Variants in ACYP2 observed in about 807,000 individuals in gnomAD.
ACYP2 encodes the protein acylphosphatase 2.
A neutral mutation model predicts 11.2 loss-of-function variants in ACYP2; 12 were observed. The ratio of observed to expected loss-of-function variants is 1.08; its 90% CI spans 0.69 to 1.74. The LOEUF (loss-of-function observed/expected upper bound fraction) is 1.74. Among genes scored for constraint, ACYP2 ranks in the 40% most tolerant of loss-of-function variants. The pLI, the probability that ACYP2 is intolerant of heterozygous loss-of-function variation, is 0.00. For synonymous variants in ACYP2, 43 were observed against 32.2 expected, an observed-to-expected ratio of 1.33 and a Z score of -1.13; for missense variants, 134 against 101.9, an observed-to-expected ratio of 1.31 and a Z score of -1.35.
chr2:53,981,761 G>A (rs1671774389), intron 2 of ACYP2, among the ~76,000 whole-genome samples: 1 of 152,052 alleles, frequency 6.6e-6, no homozygotes. Context: ...GAAACAATAG[G>A]CTACACCATA....
intron 6 of ACYP2, among the ~76,000 whole-genome samples, chr2:54,252,167 T>G (rs534398300): frequency 6.6e-6 from 1 of 152,354 alleles, no homozygotes; most frequent in African/African-American, 2.4e-5. Flanking sequence ...AAAAGAATTA[T>G]ATAGCATGTA....
At chr2:54,120,488 T>A (rs7586074) in intron 4 of ACYP2, among the ~76,000 whole-genome samples, 2,559 of 152,358 alleles carry the variant, frequency 0.017, 76 homozygotes, top group African/African-American at 0.059. Context: ...GCATTGTGAC[T>A]ATCTGTTGGT....
chr2:54,186,183 A>G (rs866308755), intron 6 of ACYP2, among the ~76,000 whole-genome samples: 26 of 152,128 alleles, frequency 1.7e-4, no homozygotes, highest in African/African-American at 6.0e-4. Context: ...TGAATGACTA[A>G]ATGTCATTGA....
chr2:54,199,311 C>A (rs1397120523), intron 6 of ACYP2, among the ~76,000 whole-genome samples: 5 of 152,210 alleles, frequency 3.3e-5, no homozygotes, highest in African/African-American at 1.2e-4. Flanking sequence ...TGAGGAACCA[C>A]AGACACACAT....
At chr2:54,197,792 CTG>C (rs1305038679) in intron 6 of ACYP2, among the ~76,000 whole-genome samples, 8 of 152,122 alleles carry the variant, frequency 5.3e-5, no homozygotes, top group Non-Finnish European at 1.0e-4. Context: ...GGTCAAAAGA[CTG>C]GGGAGGGACA....
intron 2 of ACYP2, among the ~76,000 whole-genome samples, chr2:54,013,404 G>T (rs1016647584): frequency 6.6e-6 from 1 of 151,264 alleles, no homozygotes; most frequent in South Asian, 2.1e-4. Flanking sequence ...AGGTCCAACC[G>T]ATTCTTCTGC....
chr2:54,255,573 G>A (rs1435490176), intron 6 of ACYP2: 2 of 1,569,146 alleles, frequency 1.3e-6, no homozygotes, highest in African/African-American at 1.7e-5. Flanking sequence ...TCAGGGGCCC[G>A]GGCCCGGGCC....
At chr2:54,060,617 G>T (rs1417423698) in intron 4 of ACYP2, among the ~76,000 whole-genome samples, 2 of 152,124 alleles carry the variant, frequency 1.3e-5, no homozygotes, top group Non-Finnish European at 2.9e-5. Flanking sequence ...AGGTAAGTAG[G>T]TTCTACTAAT....
chr2:54,069,873 T>C (rs1201600445), intron 4 of ACYP2, among the ~76,000 whole-genome samples: 1 of 152,196 alleles, frequency 6.6e-6, no homozygotes, highest in Non-Finnish European at 1.5e-5. Context: ...GTCACTAAAA[T>C]ATGCAGATTT....
At chr2:54,243,602 C>G (rs763977437) in intron 6 of ACYP2, among the ~76,000 whole-genome samples, 25 of 152,272 alleles carry the variant, frequency 1.6e-4, no homozygotes, top group Middle Eastern at 3.4e-3. Flanking sequence ...TCAAGTGATT[C>G]TCCTGCCTCA....
chr2:54,257,260 AATTTAT>A (rs1332274368), intron 6 of ACYP2, among the ~76,000 whole-genome samples: 1 of 152,240 alleles, frequency 6.6e-6, no homozygotes, highest in Non-Finnish European at 1.5e-5. Flanking sequence ...AGATTGTTCA[AATTTAT>A]ATATGCCATC....
intron 6 of ACYP2, among the ~76,000 whole-genome samples, chr2:54,140,953 C>T (rs1681569247): frequency 6.6e-6 from 1 of 152,178 alleles, no homozygotes; most frequent in Non-Finnish European, 1.5e-5. Context: ...TTTTCCTCCT[C>T]ATCCTGTCAG....
In ACYP2 at chr2:54,237,561, C is replaced by T. The variant is rs530452185; in HGVS notation, c.405-67127C>T. ...TTTTAGGTTTATAGCTATATTCCTT[C>T]GGCACTTTGAAGATAATTCCATTTT... On this transcript the variant is annotated intron_variant, in intron 6 of 6. Transcript: ENST00000607452. 3.2e-3 allele frequency among the ~76,000 whole-genome samples: 484 copies of T among 152,218 alleles called. 1 individual carries two copies. The highest frequency in any genetic ancestry group is 5.4e-3 in the Non-Finnish European group (370 of 68,002).
In ACYP2 at chr2:54,068,339, T is replaced by C. The variant is rs150732351; in HGVS notation, c.277+10979T>C. On this transcript the variant is annotated intron_variant, in intron 4 of 6. Coordinates refer to ENST00000607452, the MANE Select transcript of ACYP2 (RefSeq NM_001320586.2). ...ATACTTCCTGGGCCTCAGGGCTGGA[T>C]TGCAGGTAGCAGGATGTCCACCTCT... Among the ~76,000 whole-genome samples the C allele has an allele frequency of 4.6e-5, 7 of 152,316 alleles. No homozygotes were observed. In the East Asian group the frequency reaches 1.4e-3, roughly 29 times the overall value.
intron 6 of ACYP2, among the ~76,000 whole-genome samples, chr2:54,156,146 G>A (rs1253717683): frequency 6.6e-6 from 1 of 152,076 alleles, no homozygotes; most frequent in Admixed American, 6.6e-5. Flanking sequence ...ACATATGTCT[G>A]TTAGGTCCAT....
intron 6 of ACYP2, among the ~76,000 whole-genome samples, chr2:54,201,390 C>T (rs1258825639): frequency 1.3e-5 from 2 of 152,136 alleles, no homozygotes. Context: ...CAGGCGTGAG[C>T]CACCACGCCT....
At chr2:54,284,303 C>A (rs1012309409) in intron 6 of ACYP2, among the ~76,000 whole-genome samples, 7 of 152,192 alleles carry the variant, frequency 4.6e-5, no homozygotes, top group Non-Finnish European at 1.0e-4. Context: ...GGAGCCTGGA[C>A]AAAGCTTCAC....
intron 2 of ACYP2, among the ~76,000 whole-genome samples, chr2:53,985,464 A>G (rs1671987877): frequency 6.6e-6 from 1 of 152,114 alleles, no homozygotes; most frequent in African/African-American, 2.4e-5. Flanking sequence ...GGCTATCTGG[A>G]AAATACCCAA....
chr2:54,062,536 G>A (rs1676523578), intron 4 of ACYP2, among the ~76,000 whole-genome samples: 1 of 152,126 alleles, frequency 6.6e-6, no homozygotes, highest in South Asian at 2.1e-4. Flanking sequence ...TATGAATAGG[G>A]ACTGTCATGT....
Sources: allele counts gnomAD v4.1 joint callset (sites outside exome capture counted in the v4.1 genomes callset), GRCh38; gene constraint gnomAD v4.1.1; transcripts MANE v1.5; gene names NCBI Gene and HGNC (gene_info 2026-07-23, HGNC 2026-07-21).